The following KIF1A variants were observed in gnomAD, a reference collection of about 807,000 sequenced individuals.
KIF1A encodes kinesin family member 1A, also known as kinesin-like protein KIF1A.
KIF1A carries 46 observed loss-of-function variants against 227.3 expected under a neutral mutation model. That is an observed-to-expected ratio of 0.20 (90% CI 0.16 to 0.26). The LOEUF is 0.26. Among genes scored for constraint, KIF1A ranks in the 10% least tolerant of loss-of-function variants. KIF1A has a pLI of 1.00. For missense variants in KIF1A, 1,683 were observed against 2,485.9 expected, an observed-to-expected ratio of 0.68 and a Z score of 6.87; for synonymous variants, 1,022 against 1,012.8, an observed-to-expected ratio of 1.01 and a Z score of -0.17.
intron 38 of KIF1A, among the ~76,000 whole-genome samples, chr2:240,732,945 G>A (rs1332146472): frequency 7.5e-6 from 1 of 132,928 alleles, no homozygotes; most frequent in Non-Finnish European, 1.6e-5. Flanking sequence ...GGATGGGGAA[G>A]GGTAAGAGAT....
chr2:240,820,609 G>A (rs891927025), upstream of KIF1A, among the ~76,000 whole-genome samples: 13 of 148,946 alleles, frequency 8.7e-5, no homozygotes, highest in African/African-American at 2.5e-4. The surrounding 1 kb of genome is among the most constrained non-coding windows in gnomAD (Gnocchi z 6.2). Context: ...GGCCCCTTTC[G>A]AGTGAAATCG....
Position 240,757,483 on chromosome 2 carries a change from G to T in KIF1A, c.2694C>A (p.Thr898=). 6.4e-7 allele frequency: 1 copy of T among 1,550,510 alleles called. No individual in the cohort carries two copies. The highest frequency in any genetic ancestry group is 8.7e-7 in the Non-Finnish European group (1 of 1,146,996). The part of the protein sequence containing the change: ...PTFSSPDSDA[T]EPAEEQSVGE... ...CCACGCTCTGCTCCTCGGCAGGCTC[G>T]GTGGCGTCGGAGTCGGGGCTCGAGA... Residue 898 remains threonine, a synonymous_variant, in exon 27 of 49, where the codon ACC becomes ACA. Coordinates refer to ENST00000498729, the MANE Select transcript of KIF1A (RefSeq NM_001244008.2). This position sits in a 1 kb window ranked among gnomAD's most constrained non-coding sequence, Gnocchi z 6.2.
intron 32 of KIF1A, 32 bp from the exon 33 acceptor site, chr2:240,744,092 G>T: frequency 1.4e-6 from 2 of 1,400,490 alleles, no homozygotes; most frequent in Non-Finnish European, 2.0e-6. Flanking sequence ...GGACAGGAGG[G>T]CACGGCCAGG....
rs928553947 is a variant in KIF1A, at chr2:240,790,028, C to G, written c.107-716G>C. On this transcript the variant is annotated intron_variant, in intron 2 of 48. Coordinates refer to ENST00000498729, the MANE Select transcript of KIF1A (RefSeq NM_001244008.2). The surrounding 1 kb of genome is among the most constrained non-coding windows in gnomAD (Gnocchi z 5.0). Reference sequence around the variant, plus strand: ...AGGAGCTGTCCCAGTATGAGTGTCCCAGGAGCTCCTCCCACCCACACAGCC... The same window carrying G: ...AGGAGCTGTCCCAGTATGAGTGTCCGAGGAGCTCCTCCCACCCACACAGCC... 1.3e-5 allele frequency among the ~76,000 whole-genome samples: 2 copies of G among 152,258 alleles called. No homozygotes were observed. The highest frequency in any genetic ancestry group is 4.8e-5 in the African/African-American group (2 of 41,568).
At chr2:240,777,924 A>G (rs980263987) in intron 10 of KIF1A, among the ~76,000 whole-genome samples, 6 of 152,174 alleles carry the variant, frequency 3.9e-5, no homozygotes, top group African/African-American at 1.4e-4. Flanking sequence ...TCACACAGAC[A>G]GTCACGCGGT....
At chr2:240,805,061 GA>G (rs2057276945) in intron 1 of KIF1A, among the ~76,000 whole-genome samples, 1 of 50,120 alleles carries the variant, frequency 2.0e-5, no homozygotes, top group Non-Finnish European at 3.7e-5. Context: ...AGGGAGAGGG[GA>G]GGGAGAGGGC....
chr2:240,731,486 A>C (rs1412568241), intron 38 of KIF1A, among the ~76,000 whole-genome samples: 4 of 152,224 alleles, frequency 2.6e-5, no homozygotes, highest in African/African-American at 9.6e-5. Context: ...AAGTTGTGCC[A>C]GCTGGGAGAC....
upstream of KIF1A, among the ~76,000 whole-genome samples, chr2:240,820,795 C>G (rs10209042): frequency 0.69 from 104,207 of 151,700 alleles, 35,975 homozygotes; most frequent in Admixed American, 0.77. The surrounding 1 kb of genome is among the most constrained non-coding windows in gnomAD (Gnocchi z 6.2). Flanking sequence ...AGCAGTGACC[C>G]AGGCCCTCCC....
In KIF1A at chr2:240,766,196, C is replaced by CT. The variant is rs139778335; in HGVS notation, c.1685-404dup. ...AGGAGAGCCAATCGTCCCAACACCA[C>CT]TTAGGGCCATCACCCTGAGGTGGCC... On this transcript the variant is annotated intron_variant, in intron 19 of 48. Transcript: ENST00000498729. The surrounding 1 kb of genome is among the most constrained non-coding windows in gnomAD (Gnocchi z 5.0). Among the ~76,000 whole-genome samples, 4,702 of 152,334 alleles carry CT rather than the reference C, an allele frequency of 0.031. 255 individuals are homozygous for CT. The highest frequency in any genetic ancestry group is 0.11 in the African/African-American group (4,448 of 41,580).
intron 46 of KIF1A, 43 bp downstream of exon 46, chr2:240,719,731 G>T: frequency 6.7e-7 from 1 of 1,496,072 alleles, no homozygotes; most frequent in South Asian, 1.3e-5. Context: ...TCCCCTGTCA[G>T]CACAGAGCTG....
At chr2:240,732,021 G>A (rs113611270) in intron 38 of KIF1A, among the ~76,000 whole-genome samples, 47,504 of 65,322 alleles carry the variant, frequency 0.73, 18,520 homozygotes, top group African/African-American at 0.9. Context: ...AGGAGGGAAT[G>A]AGGGGAGGAG....
rs1356145626 is a variant in KIF1A at position 240,793,099 on chromosome 2, G to A, written c.107-3787C>T. Among the ~76,000 whole-genome samples, 2 of 152,200 alleles carry A rather than the reference G, an allele frequency of 1.3e-5. No individual in the cohort carries two copies. Among genetic ancestry groups the A allele is most frequent in the Admixed American group, 6.5e-5 (1 of 15,294 alleles). On this transcript the variant is annotated intron_variant, in intron 2 of 48. Transcript: ENST00000498729. The surrounding 1 kb of genome is among the most constrained non-coding windows in gnomAD (Gnocchi z 4.8). ...GTAACAGCAGCCCCAGGGACCACAC[G>A]GGTGCTACTGCTGCCCGTGCAGAGG...
Position 240,714,229 on chromosome 2 carries a change from G to C in KIF1A, c.*3135C>G, listed in dbSNP as rs998902687. 6 of 152,472 alleles carry C rather than the reference G, an allele frequency of 3.9e-5. No homozygotes were observed. Among genetic ancestry groups the C allele is most frequent in the African/African-American group, 1.2e-4 (5 of 41,452 alleles). The allele number at this position is 152,472 out of a possible 1,614,324, so 9.4% of individuals were successfully genotyped here. On this transcript the variant is annotated 3_prime_UTR_variant, in exon 49 of 49. Coordinates refer to ENST00000498729, the MANE Select transcript of KIF1A (RefSeq NM_001244008.2). The stretch of plus-strand genomic sequence containing the variant: ...TGACAGGGAGGGCCACCTCATCACA[G>C]CCGTCCTGGGTGGGGGAGTTTGTGC...
intron 1 of KIF1A, among the ~76,000 whole-genome samples, chr2:240,816,426 G>A (rs1460974631): frequency 6.6e-6 from 1 of 152,062 alleles, no homozygotes; most frequent in Non-Finnish European, 1.5e-5. Flanking sequence ...AGTGTGTGTG[G>A]CCGGGTGACT....
chr2:240,745,694 G>T (rs752613925), intron 31 of KIF1A, 44 bp downstream of exon 31: 2 of 1,592,496 alleles, frequency 1.3e-6, no homozygotes, highest in Admixed American at 1.8e-5. Context: ...CTTGGGCACA[G>T]AGTCCCTGCG....
chr2:240,819,887 A>T (rs2058607190), intron 1 of KIF1A, among the ~76,000 whole-genome samples: 3 of 152,158 alleles, frequency 2.0e-5, no homozygotes, highest in Admixed American at 2.0e-4. Flanking sequence ...TTCCAGCGGC[A>T]CCTGAAGGGC....
At chr2:240,782,991 G>A (rs2054267608) in intron 9 of KIF1A, 53 bp downstream of exon 9, 1 of 1,413,622 alleles carries the variant, frequency 7.1e-7, no homozygotes, top group Non-Finnish European at 1.0e-6. Context: ...GCAGGATGGG[G>A]CGCCAAAGAC....
In KIF1A at chr2:240,715,785, G is replaced by A. The variant is rs1026303902; in HGVS notation, c.*1579C>T. 3.3e-5 allele frequency: 5 copies of A among 152,338 alleles called. No individual in the cohort carries two copies. The highest frequency in any genetic ancestry group is 6.3e-3 in the Middle Eastern group (2 of 316). 9.4% of individuals were successfully genotyped at this position (152,338 alleles called of 1,614,324 possible). On this transcript the variant is annotated 3_prime_UTR_variant, in exon 49 of 49. Coordinates refer to ENST00000498729, the MANE Select transcript of KIF1A (RefSeq NM_001244008.2). ...GAGGGTAGGGGCCTCAGAACCAGTGGGGTGCTGCGTTTCCCCCACTCCAGG... is the reference window on the plus strand; with the variant it reads ...GAGGGTAGGGGCCTCAGAACCAGTGAGGTGCTGCGTTTCCCCCACTCCAGG...
At position 240,789,228 on chromosome 2, in the gene KIF1A, C is replaced by G; in HGVS notation, c.183+8G>C. 2 of 1,612,860 alleles carry G rather than the reference C, an allele frequency of 1.2e-6. No homozygotes were observed. Among genetic ancestry groups the G allele is most frequent in the Non-Finnish European group, 1.7e-6 (2 of 1,178,880 alleles). On this transcript the variant is annotated splice_region_variant and intron_variant, in intron 3 of 48. Coordinates refer to ENST00000498729, the MANE Select transcript of KIF1A (RefSeq NM_001244008.2). The surrounding 1 kb of genome is among the most constrained non-coding windows in gnomAD (Gnocchi z 4.8). ...CCCCGCCTCCCCCGACCCGGGGTCC[C>G]GGCTTACTGAGGTGTGCGACCAGTA...
Sources: gnomAD v4.1 joint callset for allele counts (sites outside exome capture counted in the v4.1 genomes callset) on GRCh38, gnomAD v4.1.1 for gene constraint, Gnocchi (gnomAD v3.1) non-coding constraint, MANE v1.5 for transcripts, NCBI Gene and HGNC (gene_info 2026-07-23, HGNC 2026-07-21) for gene names.